CSMD1: variants seen among roughly 807,000 people sequenced by gnomAD.
The protein encoded by CSMD1 is CUB and sushi domain-containing protein 1.
Under a neutral mutation model 417.5 loss-of-function variants are expected in CSMD1, and 213 were observed. That is an observed-to-expected ratio of 0.51 (90% CI 0.46 to 0.57). The LOEUF (loss-of-function observed/expected upper bound fraction) is 0.57, where lower values mean the gene tolerates loss of function less well. Among genes scored for constraint, CSMD1 ranks in the 20% least tolerant of loss-of-function variants. The pLI, the probability that CSMD1 is intolerant of heterozygous loss-of-function variation, is 0.00. For synonymous variants in CSMD1, 2,862 were observed against 1,736.8 expected, an observed-to-expected ratio of 1.65 and a Z score of -16.11; for missense variants, 6,923 against 4,529.7, an observed-to-expected ratio of 1.53 and a Z score of -15.17.
At chr8:4,179,762 G>GA (rs1416623254) in intron 3 of CSMD1, among the ~76,000 whole-genome samples, 2 of 151,084 alleles carry the variant, frequency 1.3e-5, no homozygotes, top group African/African-American at 2.4e-5. Flanking sequence ...TCAAAAAGTG[G>GA]TGAACAATAT....
At chr8:4,262,717 A>G (rs1803973020) in intron 3 of CSMD1, among the ~76,000 whole-genome samples, 1 of 152,030 alleles carries the variant, frequency 6.6e-6, no homozygotes, top group African/African-American at 2.4e-5. Flanking sequence ...AGGTCCCAAA[A>G]TCCACTTCCC....
chr8:4,673,000 G>A (rs1440445770), intron 1 of CSMD1, among the ~76,000 whole-genome samples: 1 of 151,880 alleles, frequency 6.6e-6, no homozygotes, highest in African/African-American at 2.4e-5. Flanking sequence ...ACATATGCAT[G>A]CATACATGGT....
At chr8:3,795,760 A>T (rs1379555051) in intron 5 of CSMD1, among the ~76,000 whole-genome samples, 1 of 61,280 alleles carries the variant, frequency 1.6e-5, no homozygotes. Flanking sequence ...CCTATCATGT[A>T]CAGCTATAGA....
intron 5 of CSMD1, among the ~76,000 whole-genome samples, chr8:3,886,493 G>A (rs1008372112): frequency 2.0e-5 from 3 of 152,320 alleles, no homozygotes; most frequent in South Asian, 2.1e-4. Flanking sequence ...TACGGTCTCT[G>A]TCACACTACC....
chr8:3,367,170 A>T lies in CSMD1; in HGVS notation c.2977T>A (p.Ser993Thr). 1.2e-6 allele frequency: 2 copies of T among 1,613,684 alleles called. No homozygotes were observed. Among genetic ancestry groups the T allele is most frequent in the Non-Finnish European group, 8.5e-7 (1 of 1,179,758 alleles). The change falls in exon 20 of 70, where the codon TCC becomes ACC. Residue 993 changes from serine to threonine, a missense_variant. By Grantham distance (58) the Ser-to-Thr change is moderately conservative (BLOSUM62 1). Coordinates refer to ENST00000635120, the MANE Select transcript of CSMD1 (RefSeq NM_033225.6). ...CCGGTGAGCCTGGCAACGGGCTCGG[A>T]AAAACTTCCATCCTCTGTGATCAGT... ...YLLITEDGSF[S>T]EPVARLTGSV...
chr8:4,208,413 A>G (rs957345305), intron 3 of CSMD1, among the ~76,000 whole-genome samples: 2 of 152,216 alleles, frequency 1.3e-5, no homozygotes, highest in Non-Finnish European at 2.9e-5. Context: ...TTACCATGTT[A>G]TGAAAACTCT....
intron 39 of CSMD1, among the ~76,000 whole-genome samples, chr8:3,155,311 T>C (rs566684690): frequency 6.4e-4 from 96 of 150,956 alleles, no homozygotes; most frequent in African/African-American, 2.2e-3. Context: ...GTTTTAATTG[T>C]TTCGTTTTTT....
chr8:4,339,008 G>C (rs1163938822), intron 3 of CSMD1, among the ~76,000 whole-genome samples: 1 of 152,124 alleles, frequency 6.6e-6, no homozygotes, highest in Non-Finnish European at 1.5e-5. Context: ...TGAAAAGCAA[G>C]GCTTTTCTGT....
At chr8:4,965,773 C>T (rs1809817574) in intron 1 of CSMD1, among the ~76,000 whole-genome samples, 1 of 152,024 alleles carries the variant, frequency 6.6e-6, no homozygotes, top group Non-Finnish European at 1.5e-5. Context: ...GGAAAAACTG[C>T]CCAGAATTCA....
chr8:4,721,237 C>G (rs1022189115), intron 1 of CSMD1, among the ~76,000 whole-genome samples: 5 of 152,092 alleles, frequency 3.3e-5, no homozygotes, highest in Non-Finnish European at 5.9e-5. Flanking sequence ...TTGTGTTTTC[C>G]TCATCCATAT....
At chr8:3,265,754 A>C (rs779451593) in intron 26 of CSMD1, among the ~76,000 whole-genome samples, 8 of 152,092 alleles carry the variant, frequency 5.3e-5, no homozygotes, top group Non-Finnish European at 7.3e-5. Context: ...TTCTGCCAGC[A>C]TGGCCTTTCT....
chr8:3,413,689 G>C (rs777782990), intron 12 of CSMD1, among the ~76,000 whole-genome samples: 3 of 152,142 alleles, frequency 2.0e-5, no homozygotes, highest in African/African-American at 7.2e-5. Context: ...CCAAATTATG[G>C]TGACAAAATT....
intron 2 of CSMD1, among the ~76,000 whole-genome samples, chr8:4,450,431 T>A (rs1327426902): frequency 6.6e-6 from 1 of 152,072 alleles, no homozygotes; most frequent in African/African-American, 2.4e-5. Flanking sequence ...ATGGAGACCA[T>A]CTTGGCCAAC....
intron 1 of CSMD1, among the ~76,000 whole-genome samples, chr8:4,694,338 G>A (rs1291924432): frequency 6.6e-6 from 1 of 151,904 alleles, no homozygotes; most frequent in African/African-American, 2.4e-5. Flanking sequence ...AAAAACCAAA[G>A]TACTTCTTTT....
At position 4,755,565 on chromosome 8, in the gene CSMD1, T is replaced by A. The variant is rs1227945562; in HGVS notation, c.86-118007A>T. 3.9e-5 allele frequency among the ~76,000 whole-genome samples: 6 copies of A among 152,330 alleles called. No individual in the cohort carries two copies. The East Asian group carries it at 1.2e-3, about 29-fold the overall frequency. On this transcript the variant is annotated intron_variant, in intron 1 of 69. Transcript: ENST00000635120. ...TGTCCTGATTTTCTATTTGATGTAA[T>A]TTTTTGATGTTCTACTGTCACGTTG...
intron 54 of CSMD1, among the ~76,000 whole-genome samples, chr8:2,981,815 G>A (rs1805448598): frequency 6.6e-6 from 1 of 152,126 alleles, no homozygotes; most frequent in East Asian, 1.9e-4. Context: ...AATGACAATT[G>A]AACTAGAAAT....
intron 1 of CSMD1, among the ~76,000 whole-genome samples, chr8:4,691,103 A>T (rs1806738309): frequency 1.3e-5 from 2 of 152,210 alleles, no homozygotes; most frequent in African/African-American, 2.4e-5. Flanking sequence ...GATTTTCCCC[A>T]TCTTTATGAC....
At chr8:3,745,310 C>G (rs1483228653) in intron 6 of CSMD1, among the ~76,000 whole-genome samples, 1 of 152,190 alleles carries the variant, frequency 6.6e-6, no homozygotes, top group Admixed American at 6.5e-5. Context: ...ATGGTCAGCT[C>G]TGCAAGAACC....
intron 7 of CSMD1, among the ~76,000 whole-genome samples, chr8:3,652,187 A>G (rs1797892054): frequency 6.8e-6 from 1 of 146,510 alleles, no homozygotes; most frequent in African/African-American, 2.6e-5. Flanking sequence ...CAGAACACCT[A>G]CCACCTTCAG....
Sources: gnomAD v4.1 joint callset for allele counts (sites outside exome capture counted in the v4.1 genomes callset) on GRCh38, gnomAD v4.1.1 for gene constraint, MANE v1.5 for transcripts, NCBI Gene and HGNC (gene_info 2026-07-23, HGNC 2026-07-21) for gene names.